TSBP1: variants seen among roughly 807,000 people sequenced by gnomAD.
TSBP1 encodes the protein testis expressed basic protein 1.
In TSBP1, 56 loss-of-function variants were observed where a neutral mutation model predicts 68.8. The observed-to-expected ratio is 0.81, with a 90% CI of 0.66 to 1.02. TSBP1 has a LOEUF of 1.02. Ranked by LOEUF, TSBP1 falls within the 50% of genes least tolerant of loss-of-function variation. The pLI is 0.00. For missense variants in TSBP1, 502 were observed against 641.2 expected, an observed-to-expected ratio of 0.78 and a Z score of 2.34; for synonymous variants, 171 against 208.7, an observed-to-expected ratio of 0.82 and a Z score of 1.56.
intron 20 of TSBP1, 105 bp from the exon 24 acceptor site, chr6:32,300,805 T>G: frequency 2.2e-6 from 2 of 909,756 alleles, no homozygotes; most frequent in Non-Finnish European, 3.6e-6. Flanking sequence ...ACAACTAAAT[T>G]TCATTTATTT....
Position 32,335,499 on chromosome 6 carries a change from T to A in TSBP1, c.452-42A>T. 4 of 1,208,904 alleles carry A rather than the reference T, an allele frequency of 3.3e-6. No individual in the cohort carries two copies. The highest frequency in any genetic ancestry group is 4.3e-6 in the Non-Finnish European group (4 of 921,564). 74.9% of individuals were successfully genotyped at this position (1,208,904 alleles called of 1,614,324 possible). ...AAAGAAATCAGTAGCTATATATATA[T>A]TTTATATATACTTTTTATTTATATA... On this transcript the variant is annotated intron_variant, in intron 13 of 22. Transcript: ENST00000612031. The surrounding 1 kb of genome is among the most constrained non-coding windows in gnomAD (Gnocchi z 5.5).
At position 32,322,522 on chromosome 6, in the gene TSBP1, A is replaced by G; in HGVS notation, c.559+595T>C. 1.3e-6 allele frequency: 2 copies of G among 1,579,816 alleles called. No individual in the cohort carries two copies. ...TGTGAAATTACTGAAAAATAAGCAA[A>G]CAGAAATCCATTTAATTTTTCTCAA... On this transcript the variant is annotated intron_variant, in intron 18 of 22. Transcript: ENST00000612031.
chr6:32,353,260 A>G (rs185626728), intron 8 of TSBP1, among the ~76,000 whole-genome samples: 4 of 152,084 alleles, frequency 2.6e-5, no homozygotes, highest in Admixed American at 2.0e-4. Flanking sequence ...TAGATACAAA[A>G]TCTACTCTCA....
At chr6:32,318,762 TG>T (rs1767259134) in intron 18 of TSBP1, among the ~76,000 whole-genome samples, 1 of 152,000 alleles carries the variant, frequency 6.6e-6, no homozygotes, top group Admixed American at 6.6e-5. Context: ...GGTTTTGGGT[TG>T]GGGGATAGTG....
intron 14 of TSBP1, among the ~76,000 whole-genome samples, chr6:32,334,618 G>A (rs960559176): frequency 6.6e-6 from 1 of 152,034 alleles, no homozygotes; most frequent in Admixed American, 6.5e-5. Flanking sequence ...AGTAATGTAC[G>A]CGAGGGTTAA....
chr6:32,307,525 G>T (rs1338810757), intron 19 of TSBP1, among the ~76,000 whole-genome samples: 8 of 152,126 alleles, frequency 5.3e-5, no homozygotes, highest in Non-Finnish European at 4.4e-5. Context: ...TTGGTGGAAT[G>T]TTCAGTGTAC....
intron 22 of TSBP1, among the ~76,000 whole-genome samples, chr6:32,298,224 G>A (rs1764903981): frequency 6.6e-6 from 1 of 152,040 alleles, no homozygotes; most frequent in African/African-American, 2.4e-5. Context: ...GCATTTGAGG[G>A]ATGTTGGCGC....
In TSBP1 at chr6:32,365,196, T is replaced by C. The variant is rs867569211; in HGVS notation, c.217+971A>G. On this transcript the variant is annotated intron_variant, in intron 6 of 22. Transcript: ENST00000612031. This position sits in a 1 kb window ranked among gnomAD's most constrained non-coding sequence, Gnocchi z 4.3. ...CATGAACTACCACACCCAGGGTAGATGGGATTTCTAAGATTGTGCTTTCTC... is the reference window on the plus strand; with the variant it reads ...CATGAACTACCACACCCAGGGTAGACGGGATTTCTAAGATTGTGCTTTCTC... 52 of 399,046 alleles carry C rather than the reference T, an allele frequency of 1.3e-4. 1 individual carries two copies. The highest frequency in any genetic ancestry group is 1.1e-3 in the African/African-American group (51 of 48,336). The allele number at this position is 399,046 out of a possible 1,614,324, so 24.7% of individuals were successfully genotyped here.
intron 8 of TSBP1, among the ~76,000 whole-genome samples, chr6:32,350,446 G>C (rs1385856940): frequency 1.3e-5 from 2 of 152,146 alleles, no homozygotes; most frequent in African/African-American, 4.8e-5. Flanking sequence ...ATAAAGTAGA[G>C]CTGAGCTTGA....
chr6:32,328,916 G>A lies in TSBP1; in HGVS notation c.514+1673C>T, dbSNP rs117299587. On this transcript the variant is annotated intron_variant, in intron 16 of 22. Coordinates refer to ENST00000612031, the Ensembl canonical transcript of TSBP1. ...TTAATTAATTAATTATATTTAAGAG[G>A]TACAAGTACAGATTTCTTATGTCAT... Among the ~76,000 whole-genome samples the A allele has an allele frequency of 6.7e-3, 1,015 of 152,192 alleles. 18 individuals are homozygous for A. The highest frequency in any genetic ancestry group is 0.02 in the East Asian group (101 of 5,172).
chr6:32,310,553 C>T (rs546620624), intron 19 of TSBP1, among the ~76,000 whole-genome samples: 13 of 151,270 alleles, frequency 8.6e-5, no homozygotes, highest in African/African-American at 3.1e-4. Context: ...TTCCTCAGTT[C>T]TGTCTTCCAG....
rs7453102 is a variant in TSBP1 at position 32,340,913 on chromosome 6, A to G, written c.350-1275T>C. On this transcript the variant is annotated intron_variant, in intron 9 of 22. Coordinates refer to ENST00000612031, the Ensembl canonical transcript of TSBP1. The surrounding 1 kb of genome is among the most constrained non-coding windows in gnomAD (Gnocchi z 4.8). ...TGGGTTGAAGTCATTCTTGTGCCTC[A>G]GCCTCCTGAGTAGCTGGGATTACAG... 0.34 allele frequency among the ~76,000 whole-genome samples: 51,024 copies of G among 151,826 alleles called. 9,627 individuals carry two copies. Among genetic ancestry groups the G allele is most frequent in the Middle Eastern group, 0.52 (153 of 294 alleles).
intron 20 of TSBP1, among the ~76,000 whole-genome samples, chr6:32,301,347 A>G (rs1765267967): frequency 6.6e-6 from 1 of 152,112 alleles, no homozygotes; most frequent in Non-Finnish European, 1.5e-5. Flanking sequence ...AATATTTAAG[A>G]TACAGTTGTT....
In TSBP1 at chr6:32,316,448, G is replaced by C. The variant is rs1203864207; in HGVS notation, c.560-656C>G. 1 of 1,542,998 alleles carries C rather than the reference G, an allele frequency of 6.5e-7. No individual in the cohort carries two copies. ...ATTAGATATCAGTGAAGATTTGTTT[G>C]AAAGGAGCAAGTTTCCTTCTAGGGA... On this transcript the variant is annotated intron_variant, in intron 18 of 22. Transcript: ENST00000612031. The surrounding 1 kb of genome is among the most constrained non-coding windows in gnomAD (Gnocchi z 4.5).
chr6:32,371,766 T>A, exon 1 of TSBP1: 1 of 1,610,418 alleles, frequency 6.2e-7, no homozygotes, highest in African/African-American at 1.3e-5. Flanking sequence ...CAGAGAGAGA[T>A]CAAGGTAAAA....
intron 20 of TSBP1, among the ~76,000 whole-genome samples, chr6:32,301,961 T>TAATAATAATA (rs1765340792): frequency 8.6e-6 from 1 of 116,154 alleles, no homozygotes; most frequent in African/African-American, 3.3e-5. Context: ...ATAGTTGAAA[T>TAATAATAATA]CATCATCATA....
At position 32,338,264 on chromosome 6, in the gene TSBP1, G is replaced by C. The variant is rs1011950053; in HGVS notation, c.409+715C>G. Among the ~76,000 whole-genome samples the C allele has an allele frequency of 6.6e-6, 1 of 152,088 alleles. No individual in the cohort carries two copies. The highest frequency in any genetic ancestry group is 1.5e-5 in the Non-Finnish European group (1 of 68,020). On this transcript the variant is annotated intron_variant, in intron 11 of 22. Coordinates refer to ENST00000612031, the Ensembl canonical transcript of TSBP1. The surrounding 1 kb of genome is among the most constrained non-coding windows in gnomAD (Gnocchi z 5.5). ...AATGCAGAGTCTGATTTAGTAGGTCGGGGTGGGCAATAGGCTGAGACTCTG... is the reference window on the plus strand; with the variant it reads ...AATGCAGAGTCTGATTTAGTAGGTCCGGGTGGGCAATAGGCTGAGACTCTG...
Position 32,325,886 on chromosome 6 carries a change from G to GTTGT in TSBP1, c.515-2276_515-2273dup, listed in dbSNP as rs1290622909. The GTTGT allele has an allele frequency of 6.6e-6, 10 of 1,504,492 alleles. No individual in the cohort carries two copies. The highest frequency in any genetic ancestry group is 9.1e-6 in the Non-Finnish European group (10 of 1,095,298). The allele number at this position is 1,504,492 out of a possible 1,614,324, so 93.2% of individuals were successfully genotyped here. On this transcript the variant is annotated intron_variant, in intron 16 of 22. Coordinates refer to ENST00000612031, the Ensembl canonical transcript of TSBP1. The surrounding 1 kb of genome is among the most constrained non-coding windows in gnomAD (Gnocchi z 4.4). Reference sequence around the variant, plus strand: ...TTTGATCATGGAGGAAACTTCAGTGGTTGTGGTGGCTTTGGTGGCAGCTGT... The same window carrying GTTGT: ...TTTGATCATGGAGGAAACTTCAGTGGTTGTTTGTGGTGGCTTTGGTGGCAGCTGT...
intron 19 of TSBP1, among the ~76,000 whole-genome samples, chr6:32,312,145 G>A (rs1329243988): frequency 3.3e-5 from 5 of 152,156 alleles, no homozygotes; most frequent in African/African-American, 1.2e-4. Context: ...GTTCTTGTAT[G>A]TTCCTCCAAA....
Sources: allele counts gnomAD v4.1 joint callset (sites outside exome capture counted in the v4.1 genomes callset), GRCh38; gene constraint gnomAD v4.1.1; non-coding constraint Gnocchi (gnomAD v3.1); transcripts MANE v1.5; gene names NCBI Gene and HGNC (gene_info 2026-07-23, HGNC 2026-07-21).